Variants in TMEM132C observed in about 807,000 individuals in gnomAD.
TMEM132C encodes the protein transmembrane protein 132C.
Under a neutral mutation model 61.4 loss-of-function variants are expected in TMEM132C, and 29 were observed. The ratio of observed to expected loss-of-function variants is 0.47; its 90% CI spans 0.35 to 0.64. The LOEUF (loss-of-function observed/expected upper bound fraction) is 0.64. TMEM132C is among the 30% of genes least tolerant of loss of function. The probability of loss-of-function intolerance (pLI) is 0.00; values close to 1 mark genes in which losing one functional copy is unlikely to be tolerated. For synonymous variants in TMEM132C, 656 were observed against 633.1 expected (o/e 1.04, Z -0.54); for missense variants, 1,408 against 1,476.9 (o/e 0.95, Z 0.76).
intron 1 of TMEM132C, among the ~76,000 whole-genome samples, chr12:128,339,565 G>A (rs1433121902): frequency 6.6e-6 from 1 of 151,938 alleles, no homozygotes; most frequent in East Asian, 1.9e-4. Context: ...CTGGCTCTGG[G>A]GACTGCTGTC....
intron 2 of TMEM132C, among the ~76,000 whole-genome samples, chr12:128,418,798 G>A (rs1273671287): frequency 6.6e-6 from 1 of 152,186 alleles, no homozygotes; most frequent in East Asian, 1.9e-4. Flanking sequence ...ATTTTCAAAG[G>A]CAAGGAAGTT....
intron 2 of TMEM132C, among the ~76,000 whole-genome samples, chr12:128,490,144 C>G (rs1871665855): frequency 6.6e-6 from 1 of 152,066 alleles, no homozygotes; most frequent in Non-Finnish European, 1.5e-5. Context: ...GGAAGGAGGC[C>G]CTTATGTCGC....
intron 2 of TMEM132C, among the ~76,000 whole-genome samples, chr12:128,456,429 A>T (rs1870348049): frequency 2.0e-5 from 1 of 49,272 alleles, no homozygotes; most frequent in African/African-American, 6.4e-5. Flanking sequence ...TTTTTTTAGC[A>T]AAGGTCTTGC....
rs79738874 is a variant in TMEM132C at position 128,287,876 on chromosome 12, C to A, written c.85+20389C>A. On this transcript the variant is annotated intron_variant, in intron 1 of 8. Coordinates refer to ENST00000435159, the MANE Select transcript of TMEM132C (RefSeq NM_001136103.3). The stretch of plus-strand genomic sequence containing the variant: ...TCTGACGTGTTTGAAGAGTACAGGC[C>A]AGGTTTTTTAGAAGAATGTCCCTCA... Among the ~76,000 whole-genome samples, 722 of 152,132 alleles carry A rather than the reference C, an allele frequency of 4.7e-3. 5 individuals carry two copies. The highest frequency in any genetic ancestry group is 0.02 in the Middle Eastern group (6 of 294).
At chr12:128,687,997 T>G (rs1954690808) in intron 5 of TMEM132C, among the ~76,000 whole-genome samples, 1 of 152,108 alleles carries the variant, frequency 6.6e-6, no homozygotes, top group Non-Finnish European at 1.5e-5. Flanking sequence ...GTGGACCATC[T>G]GTTCCCTGCC....
chr12:128,340,981 C>T lies in TMEM132C; in HGVS notation c.85+73494C>T, dbSNP rs565813064. On this transcript the variant is annotated intron_variant, in intron 1 of 8. Transcript: ENST00000435159. ...CTTTCTTTCTTTTTTGACAGAGTCT[C>T]ACTCTGTCACCTAGTCTGGAGTAAT... is the stretch of plus-strand genomic sequence containing the variant. Among the ~76,000 whole-genome samples the T allele has an allele frequency of 4.6e-5, 7 of 150,682 alleles. No individual in the cohort carries two copies. The East Asian group carries it at 9.8e-4, about 21-fold the overall frequency.
chr12:128,400,658 G>C (rs1875124873), intron 1 of TMEM132C, among the ~76,000 whole-genome samples: 2 of 150,884 alleles, frequency 1.3e-5, no homozygotes, highest in African/African-American at 4.9e-5. Flanking sequence ...GCCCAGGCTG[G>C]AGTGCACTGG....
At chr12:128,679,284 A>G (rs1954615782) in intron 5 of TMEM132C, among the ~76,000 whole-genome samples, 1 of 152,228 alleles carries the variant, frequency 6.6e-6, no homozygotes, top group African/African-American at 2.4e-5. Flanking sequence ...GGGAGGCTAG[A>G]CTTGCATTAG....
At chr12:128,552,043 G>A (rs1331031249) in intron 3 of TMEM132C, among the ~76,000 whole-genome samples, 1 of 152,228 alleles carries the variant, frequency 6.6e-6, no homozygotes, top group Non-Finnish European at 1.5e-5. Context: ...TCCGTGTTGG[G>A]AATGCAACCC....
At chr12:128,662,567 G>A (rs953792179) in intron 4 of TMEM132C, among the ~76,000 whole-genome samples, 15 of 152,310 alleles carry the variant, frequency 9.8e-5, no homozygotes, top group Admixed American at 5.9e-4. Context: ...ACATTCAAAT[G>A]TGGCTGAATC....
chr12:128,334,137 A>G (rs1027406995), intron 1 of TMEM132C, among the ~76,000 whole-genome samples: 5 of 152,194 alleles, frequency 3.3e-5, no homozygotes, highest in African/African-American at 1.2e-4. Context: ...GAAAACTTCT[A>G]GATTTGAGAA....
chr12:128,465,493 A>T (rs1198353664), intron 2 of TMEM132C, among the ~76,000 whole-genome samples: 1 of 152,002 alleles, frequency 6.6e-6, no homozygotes, highest in Non-Finnish European at 1.5e-5. Flanking sequence ...GAGCCACCAC[A>T]CCCGGCCTCT....
rs372961374 is a variant in TMEM132C, at chr12:128,508,646, TC to T, written c.975-35310del. Among the ~76,000 whole-genome samples the T allele has an allele frequency of 4.6e-5, 7 of 152,302 alleles. No homozygotes were observed. In the East Asian group the frequency reaches 1.4e-3, roughly 29 times the overall value. ...GCTCCGGATGCCACCAGTGCCTCCTTCTGTGGAGCTCCTTTGTAACTGTCCT... is the reference window on the plus strand; with the variant it reads ...GCTCCGGATGCCACCAGTGCCTCCTTTGTGGAGCTCCTTTGTAACTGTCCT... On this transcript the variant is annotated intron_variant, in intron 2 of 8. Coordinates refer to ENST00000435159, the MANE Select transcript of TMEM132C (RefSeq NM_001136103.3).
At chr12:128,423,463 G>GC (rs1869061667) in intron 2 of TMEM132C, among the ~76,000 whole-genome samples, 1 of 152,224 alleles carries the variant, frequency 6.6e-6, no homozygotes. Context: ...AGGGAAGAAA[G>GC]CCTTTGAAGA....
At chr12:128,343,061 A>G (rs565918490) in intron 1 of TMEM132C, among the ~76,000 whole-genome samples, 21 of 152,196 alleles carry the variant, frequency 1.4e-4, no homozygotes, top group Non-Finnish European at 2.8e-4. Context: ...GTTTAGGGTG[A>G]CAGATGCTGC....
chr12:128,630,388 T>C lies in TMEM132C; in HGVS notation c.1305+14053T>C, dbSNP rs947682669. 2.6e-5 allele frequency among the ~76,000 whole-genome samples: 4 copies of C among 152,148 alleles called. No homozygotes were observed. The highest frequency in any genetic ancestry group is 4.4e-5 in the Non-Finnish European group (3 of 68,012). The stretch of plus-strand genomic sequence containing the variant: ...TGTTTATAGTTCACTGCTCGGTGAC[T>C]CCATGCACATCCAAGATTCAGCACG... On this transcript the variant is annotated intron_variant, in intron 4 of 8. Transcript: ENST00000435159. This position sits in a 1 kb window ranked among gnomAD's most constrained non-coding sequence, Gnocchi z 4.3.
At chr12:128,425,692 C>G (rs774944674) in intron 2 of TMEM132C, among the ~76,000 whole-genome samples, 5 of 152,204 alleles carry the variant, frequency 3.3e-5, no homozygotes, top group African/African-American at 1.2e-4. Flanking sequence ...GAAGGCCCTT[C>G]CTTGCCTTCG....
intron 2 of TMEM132C, among the ~76,000 whole-genome samples, chr12:128,433,221 T>C (rs1216926405): frequency 1.3e-5 from 2 of 152,216 alleles, no homozygotes; most frequent in Non-Finnish European, 2.9e-5. Context: ...ACTCACTTTA[T>C]TGTGATATTC....
chr12:128,480,502 C>A (rs11837691), intron 2 of TMEM132C, among the ~76,000 whole-genome samples: 9,720 of 152,248 alleles, frequency 0.064, 1,003 homozygotes, highest in African/African-American at 0.21. Context: ...ATCCAGTCCC[C>A]GGCGAAGCCA....
Sources: gnomAD v4.1 joint callset for allele counts (sites outside exome capture counted in the v4.1 genomes callset) on GRCh38, gnomAD v4.1.1 for gene constraint, Gnocchi (gnomAD v3.1) non-coding constraint, MANE v1.5 for transcripts, NCBI Gene and HGNC (gene_info 2026-07-23, HGNC 2026-07-21) for gene names.